The following PDP2 variants were observed in gnomAD, a reference collection of about 807,000 sequenced individuals.
PDP2 encodes the protein pyruvate dehydrogenase phosphatase catalytic subunit 2.
PDP2 carries 23 observed loss-of-function variants against 34.2 expected under a neutral mutation model. The observed-to-expected ratio is 0.67, with a 90% CI of 0.48 to 0.95. The LOEUF is 0.95. Among genes scored for constraint, PDP2 ranks in the 40% least tolerant of loss-of-function variants. The pLI is 0.00. For synonymous variants in PDP2, 275 were observed against 269.2 expected (o/e 1.02, Z -0.21); for missense variants, 571 against 659.6 (o/e 0.87, Z 1.47).
intron 1 of PDP2, chr16:66,882,931 T>A (rs1164468232): frequency 1.3e-5 from 2 of 151,702 alleles, no homozygotes; most frequent in Admixed American, 1.3e-4. Context: ...GCTTAAGCAA[T>A]CCTCTCACCT....
At position 66,888,196 on chromosome 16, in the gene PDP2, T is replaced by A. The variant is rs1218950661; in HGVS notation, c.*2322T>A. Reference sequence around the variant, plus strand: ...GATCCTCCTGCCTCAGCCTCCCGAGTAGCTGGGACTATGCACCACCATGCC... The same window carrying A: ...GATCCTCCTGCCTCAGCCTCCCGAGAAGCTGGGACTATGCACCACCATGCC... On this transcript the variant is annotated 3_prime_UTR_variant, in exon 2 of 2. Coordinates refer to ENST00000311765, the MANE Select transcript of PDP2 (RefSeq NM_020786.4). 1.3e-5 allele frequency: 2 copies of A among 151,634 alleles called. No individual in the cohort carries two copies. The highest frequency in any genetic ancestry group is 2.9e-5 in the Non-Finnish European group (2 of 68,008). 9.4% of individuals were successfully genotyped at this position (151,634 alleles called of 1,614,324 possible). A position where few individuals can be genotyped will look rare whatever the true frequency, so the allele number is the denominator to read the frequency against.
At position 66,885,431 on chromosome 16, in the gene PDP2, T is replaced by A. The variant is rs1961715625; in HGVS notation, c.1147T>A (p.Tyr383Asn). Residue 383 changes from tyrosine (Y) to asparagine (N), a missense_variant, in exon 2 of 2, where the codon TAC becomes AAC. Around this residue, in one of 2 missense-constraint regions of PDP2, gnomAD observed 281 missense variants for 375.8 expected, o/e 0.75. Coordinates refer to ENST00000311765, the MANE Select transcript of PDP2 (RefSeq NM_020786.4). This position sits in a 1 kb window ranked among gnomAD's most constrained non-coding sequence, Gnocchi z 4.6. ...LNIYQFTPPH[Y>N]YTPPYLTAEP... ...CATTTACCAGTTCACACCCCCACAC[T>A]ACTACACTCCACCCTACCTGACTGC... 1 of 1,613,644 alleles carries A rather than the reference T, an allele frequency of 6.2e-7. No individual in the cohort carries two copies. Among genetic ancestry groups the A allele is most frequent in the Non-Finnish European group, 8.5e-7 (1 of 1,180,010 alleles).
Position 66,885,448 on chromosome 16 carries a change from C to G in PDP2, c.1164C>G (p.Tyr388Ter). The stretch of plus-strand genomic sequence containing the variant: ...CCCCACACTACTACACTCCACCCTA[C>G]CTGACTGCTGAGCCTGAGGTCACAT... ...FTPPHYYTPP[Y>*]LTAEPEVTYH... Residue 388 changes from tyrosine (Y) to a stop codon, truncating the protein, a stop_gained, in exon 2 of 2, where the codon TAC becomes TAG. Coordinates refer to ENST00000311765, the MANE Select transcript of PDP2 (RefSeq NM_020786.4). LOFTEE classifies it high-confidence loss of function. This position sits in a 1 kb window ranked among gnomAD's most constrained non-coding sequence, Gnocchi z 4.6. 6.2e-7 allele frequency: 1 copy of G among 1,613,928 alleles called. No individual in the cohort carries two copies. The highest frequency in any genetic ancestry group is 8.5e-7 in the Non-Finnish European group (1 of 1,180,038).
chr16:66,882,255 C>G (rs1961553618), intron 1 of PDP2, among the ~76,000 whole-genome samples: 1 of 152,124 alleles, frequency 6.6e-6, no homozygotes, highest in African/African-American at 2.4e-5. Flanking sequence ...GAGTTTGAGA[C>G]CAGCCTGGAA....
At position 66,881,428 on chromosome 16, in the gene PDP2, T is replaced by TTTTAATTTAATTTAA. The variant is rs57764227; in HGVS notation, c.-55+813_-55+827dup. ...TCAAGGTTTTGTTCTGTTTTTTTTT[T>TTTTAATTTAATTTAA]TTTAATTTAATTTAATTTAATTTAA... is the stretch of plus-strand genomic sequence containing the variant. On this transcript the variant is annotated intron_variant, in intron 1 of 1. Transcript: ENST00000311765. Among the ~76,000 whole-genome samples, 345 of 119,170 alleles carry TTTTAATTTAATTTAA rather than the reference T, an allele frequency of 2.9e-3. 3 individuals carry two copies. Among genetic ancestry groups the TTTTAATTTAATTTAA allele is most frequent in the African/African-American group, 0.012 (299 of 24,510 alleles). The allele number at this position is 119,170 out of a possible 152,430, so 78.2% of individuals were successfully genotyped here. A position where few individuals can be genotyped will look rare whatever the true frequency, so the allele number is the denominator to read the frequency against.
In PDP2 at chr16:66,884,887, C is replaced by T. The variant is rs779444374; in HGVS notation, c.603C>T (p.Val201=). 1.2e-6 allele frequency: 2 copies of T among 1,614,120 alleles called. No homozygotes were observed. Among genetic ancestry groups the T allele is most frequent in the South Asian group, 2.2e-5 (2 of 91,084 alleles). Residue 201 remains valine (V), a synonymous_variant, in exon 2 of 2, where the codon GTC becomes GTT. Transcript: ENST00000311765. The part of the protein sequence containing the change: ...KHPGDSIYKD[V]TSVHLDHLRV... ...CAGGGGACAGTATCTACAAGGATGT[C>T]ACATCTGTGCATCTTGACCACCTCC...
At chr16:66,882,222 G>A (rs1328856869) in intron 1 of PDP2, among the ~76,000 whole-genome samples, 2 of 152,176 alleles carry the variant, frequency 1.3e-5, no homozygotes, top group African/African-American at 4.8e-5. Context: ...GGAGGCCAAG[G>A]GCGGAAGATC....
rs747119191 is a variant in PDP2 at position 66,890,888 on chromosome 16, G to T, written c.*5014G>T. ...GGACAGCCATGCAGCTATCAGAGCC[G>T]ACTGAAGCCCTGTCCCTTACCCCTC... is the stretch of plus-strand genomic sequence containing the variant. On this transcript the variant is annotated 3_prime_UTR_variant, in exon 2 of 2. Coordinates refer to ENST00000311765, the MANE Select transcript of PDP2 (RefSeq NM_020786.4). 1 of 152,182 alleles carries T rather than the reference G, an allele frequency of 6.6e-6. No individual in the cohort carries two copies. Among genetic ancestry groups the T allele is most frequent in the African/African-American group, 2.4e-5 (1 of 41,464 alleles). The allele number at this position is 152,182 out of a possible 1,614,324, so 9.4% of individuals were successfully genotyped here.
rs1961905265 is a variant in PDP2, at chr16:66,889,192, T to C, written c.*3318T>C. 6.6e-6 allele frequency: 1 copy of C among 152,242 alleles called. No homozygotes were observed. The highest frequency in any genetic ancestry group is 2.4e-5 in the African/African-American group (1 of 41,458). The allele number at this position is 152,242 out of a possible 1,614,324, so 9.4% of individuals were successfully genotyped here. ...ACTTAAAATGAACTGAAAAATGAGATTGAACATTTAATATTTTGGATGTAA... is the reference window on the plus strand; with the variant it reads ...ACTTAAAATGAACTGAAAAATGAGACTGAACATTTAATATTTTGGATGTAA... On this transcript the variant is annotated 3_prime_UTR_variant, in exon 2 of 2. Coordinates refer to ENST00000311765, the MANE Select transcript of PDP2 (RefSeq NM_020786.4).
chr16:66,881,769 A>G (rs1464951773), intron 1 of PDP2, among the ~76,000 whole-genome samples: 1 of 152,026 alleles, frequency 6.6e-6, no homozygotes, highest in Non-Finnish European at 1.5e-5. Context: ...CAGTCTTGAA[A>G]TCTTGGGCTC....
At position 66,890,351 on chromosome 16, in the gene PDP2, G is replaced by A. The variant is rs1272039504; in HGVS notation, c.*4477G>A. 2 of 152,202 alleles carry A rather than the reference G, an allele frequency of 1.3e-5. No homozygotes were observed. Among genetic ancestry groups the A allele is most frequent in the Non-Finnish European group, 2.9e-5 (2 of 68,034 alleles). The allele number at this position is 152,202 out of a possible 1,614,324, so 9.4% of individuals were successfully genotyped here. A position where few individuals can be genotyped will look rare whatever the true frequency, so the allele number is the denominator to read the frequency against. ...AGGCTACTTAGATTCAGCTTTCTGAGATGTTATTTGTTAACATTAAGGCTA... is the reference window on the plus strand; with the variant it reads ...AGGCTACTTAGATTCAGCTTTCTGAAATGTTATTTGTTAACATTAAGGCTA... On this transcript the variant is annotated 3_prime_UTR_variant, in exon 2 of 2. Coordinates refer to ENST00000311765, the MANE Select transcript of PDP2 (RefSeq NM_020786.4).
At position 66,884,216 on chromosome 16, in the gene PDP2, C is replaced by CTTTTTAA. The variant is rs1216925016; in HGVS notation, c.-54-8_-54-2dup. On this transcript the variant is annotated splice_polypyrimidine_tract_variant and intron_variant, in intron 1 of 1. Transcript: ENST00000311765. Reference sequence around the variant, plus strand: ...AAAGAAATTAAATTTGAAACTTCAACTTTTTAATTTTTAGGTTTAAAAATA... The same window carrying CTTTTTAA: ...AAAGAAATTAAATTTGAAACTTCAACTTTTTAATTTTTAATTTTTAGGTTTAAAAATA... 2.3e-6 allele frequency: 2 copies of CTTTTTAA among 852,596 alleles called. No homozygotes were observed. Among genetic ancestry groups the CTTTTTAA allele is most frequent in the East Asian group, 6.0e-5 (2 of 33,144 alleles). 52.8% of individuals were successfully genotyped at this position (852,596 alleles called of 1,614,324 possible).
chr16:66,881,772 T>C (rs1205075335), intron 1 of PDP2, among the ~76,000 whole-genome samples: 1 of 152,050 alleles, frequency 6.6e-6, no homozygotes, highest in Non-Finnish European at 1.5e-5. Context: ...TCTTGAAATC[T>C]TGGGCTCAAG....
In PDP2 at chr16:66,886,967, T is replaced by C. The variant is rs1248251230; in HGVS notation, c.*1093T>C. ...CAGGACAGGTTAATTTAGCGGATTG[T>C]GGACTTAAGATTCAACCTCTATCTG... On this transcript the variant is annotated 3_prime_UTR_variant, in exon 2 of 2. Transcript: ENST00000311765. The C allele has an allele frequency of 5.9e-6, 1 of 169,554 alleles. No homozygotes were observed. Among genetic ancestry groups the C allele is most frequent in the African/African-American group, 2.4e-5 (1 of 41,656 alleles). 10.5% of individuals were successfully genotyped at this position (169,554 alleles called of 1,614,324 possible).
In PDP2 at chr16:66,885,404, A is replaced by G; in HGVS notation, c.1120A>G (p.Asn374Asp). Residue 374 changes from asparagine (N) to aspartate (D), a missense_variant, in exon 2 of 2, where the codon AAC (asparagine) becomes GAC (aspartate). This residue lies in a region of PDP2 where 281 missense variants were observed against 375.8 expected (regional missense o/e 0.75). Coordinates refer to ENST00000311765, the MANE Select transcript of PDP2 (RefSeq NM_020786.4). This position sits in a 1 kb window ranked among gnomAD's most constrained non-coding sequence, Gnocchi z 4.6. ...LERGFNTEAL[N>D]IYQFTPPHYY... Reference sequence around the variant, plus strand: ...GAGGGGCTTCAATACCGAGGCCCTCAACATTTACCAGTTCACACCCCCACA... The same window carrying G: ...GAGGGGCTTCAATACCGAGGCCCTCGACATTTACCAGTTCACACCCCCACA... The G allele has an allele frequency of 6.2e-7, 1 of 1,613,942 alleles. No individual in the cohort carries two copies. Among genetic ancestry groups the G allele is most frequent in the Non-Finnish European group, 8.5e-7 (1 of 1,180,034 alleles).
In PDP2 at chr16:66,884,912, C is replaced by A; in HGVS notation, c.628C>A (p.Arg210Ser). The change falls in exon 2 of 2, where the codon CGT becomes AGT. Residue 210 changes from arginine to serine, a missense_variant. Physicochemically the swap from Arg to Ser is moderately radical, Grantham distance 110 (BLOSUM62 -1). Around this residue, in one of 2 missense-constraint regions of PDP2, gnomAD observed 290 missense variants for 283.8 expected, o/e 1.02. Coordinates refer to ENST00000311765, the MANE Select transcript of PDP2 (RefSeq NM_020786.4). ...CACATCTGTGCATCTTGACCACCTC[C>A]GTGTCTATTGGCAGGAACTGCTTGA... The part of the protein sequence containing the change: ...DVTSVHLDHL[R>S]VYWQELLDLH... The A allele has an allele frequency of 6.2e-7, 1 of 1,614,100 alleles. No individual in the cohort carries two copies.
chr16:66,884,505 A>C lies in PDP2; in HGVS notation c.221A>C (p.His74Pro). 1.9e-6 allele frequency: 3 copies of C among 1,614,200 alleles called. No individual in the cohort carries two copies. The highest frequency in any genetic ancestry group is 2.2e-5 in the South Asian group (2 of 91,082). Residue 74 changes from histidine to proline, a missense_variant, in exon 2 of 2, where the codon CAC (histidine) becomes CCC (proline). Around this residue, in one of 2 missense-constraint regions of PDP2, gnomAD observed 290 missense variants for 283.8 expected, o/e 1.02. Coordinates refer to ENST00000311765, the MANE Select transcript of PDP2 (RefSeq NM_020786.4). ...RHTSTEEDDF[H>P]LQLSPEQINE... ...ACATCAACAGAGGAAGATGATTTTC[A>C]CTTGCAACTCAGCCCTGAGCAGATA...
chr16:66,882,270 C>T (rs745859203), intron 1 of PDP2, among the ~76,000 whole-genome samples: 3 of 152,046 alleles, frequency 2.0e-5, no homozygotes, highest in Non-Finnish European at 4.4e-5. Context: ...CTGGAAAACA[C>T]GGGGAGACCC....
rs765280696 is a variant in PDP2 at position 66,890,573 on chromosome 16, T to G, written c.*4699T>G. 6.6e-6 allele frequency: 1 copy of G among 152,172 alleles called. No individual in the cohort carries two copies. The allele number at this position is 152,172 out of a possible 1,614,324, so 9.4% of individuals were successfully genotyped here. On this transcript the variant is annotated 3_prime_UTR_variant, in exon 2 of 2. Coordinates refer to ENST00000311765, the MANE Select transcript of PDP2 (RefSeq NM_020786.4). Reference sequence around the variant, plus strand: ...CTTAAAGAAGATACAGTATAATTAATTATACAGAACAAAACAAAGATGTGT... The same window carrying G: ...CTTAAAGAAGATACAGTATAATTAAGTATACAGAACAAAACAAAGATGTGT...
Sources: allele counts gnomAD v4.1 joint callset (sites outside exome capture counted in the v4.1 genomes callset), GRCh38; gene constraint gnomAD v4.1.1; regional missense constraint gnomAD v4.1.1; non-coding constraint Gnocchi (gnomAD v3.1); transcripts MANE v1.5; gene names NCBI Gene and HGNC (gene_info 2026-07-23, HGNC 2026-07-21).